The following MSRB3 variants were observed in gnomAD, a reference collection of about 807,000 sequenced individuals.
MSRB3 encodes the protein methionine sulfoxide reductase B3.
MSRB3 carries 13 observed loss-of-function variants against 21.0 expected under a neutral mutation model. The observed-to-expected ratio is 0.62, with a 90% CI of 0.40 to 0.98. The LOEUF (loss-of-function observed/expected upper bound fraction) is 0.98, where lower values mean the gene tolerates loss of function less well. Among genes scored for constraint, MSRB3 ranks in the 50% least tolerant of loss-of-function variants. The pLI is 0.00. For missense variants in MSRB3, 199 were observed against 230.3 expected (o/e 0.86, Z 0.88); for synonymous variants, 87 against 88.6 (o/e 0.98, Z 0.10).
intron 5 of MSRB3, among the ~76,000 whole-genome samples, chr12:65,437,160 C>T (rs1882157193): frequency 6.6e-6 from 1 of 151,692 alleles, no homozygotes; most frequent in African/African-American, 2.4e-5. Flanking sequence ...AAGTTTTTGC[C>T]CCGTGGACTA....
chr12:65,375,864 T>C (rs1455129599), intron 5 of MSRB3, among the ~76,000 whole-genome samples: 1 of 152,070 alleles, frequency 6.6e-6, no homozygotes, highest in African/African-American at 2.4e-5. Flanking sequence ...TCAGTTTTAT[T>C]GTTTGGTAGT....
chr12:65,293,500 C>T (rs1872774792), intron 1 of MSRB3, among the ~76,000 whole-genome samples: 2 of 152,154 alleles, frequency 1.3e-5, no homozygotes, highest in South Asian at 4.1e-4. Context: ...ACACTCTTAC[C>T]TCAGGGCTAC....
At chr12:65,388,139 T>A (rs1200311329) in intron 5 of MSRB3, among the ~76,000 whole-genome samples, 3 of 151,678 alleles carry the variant, frequency 2.0e-5, no homozygotes, top group East Asian at 3.9e-4. Context: ...TTAACAAGTT[T>A]AAAAAAAAAT....
intron 5 of MSRB3, among the ~76,000 whole-genome samples, chr12:65,377,800 G>T (rs1247531818): frequency 3.9e-5 from 6 of 152,192 alleles, no homozygotes; most frequent in Admixed American, 3.9e-4. Context: ...CATCTATGTG[G>T]AGACATGTAA....
chr12:65,398,925 G>A (rs1022621579), intron 5 of MSRB3, among the ~76,000 whole-genome samples: 6 of 151,946 alleles, frequency 3.9e-5, no homozygotes, highest in African/African-American at 1.4e-4. Context: ...GTAGGTGTGT[G>A]GCGTTATTTC....
At chr12:65,407,338 GT>G (rs111292244) in intron 5 of MSRB3, among the ~76,000 whole-genome samples, 31,241 of 143,814 alleles carry the variant, frequency 0.22, 3,311 homozygotes, top group Admixed American at 0.27. Flanking sequence ...GTCCTGGTAT[GT>G]TTTTTTTTTT....
intron 4 of MSRB3, among the ~76,000 whole-genome samples, chr12:65,357,631 G>T (rs1312673818): frequency 6.6e-6 from 1 of 151,672 alleles, no homozygotes; most frequent in Admixed American, 6.6e-5. Context: ...TAGTCCTTCT[G>T]TCTCCTTAGT....
chr12:65,328,568 A>G lies in MSRB3; in HGVS notation c.228A>G (p.Ile76Met). The change falls in exon 4 of 7, where the codon ATA becomes ATG. Residue 76 changes from isoleucine to methionine, a missense_variant. Physicochemically the swap from Ile to Met is conservative, Grantham distance 10. Coordinates refer to ENST00000308259, the MANE Select transcript of MSRB3 (RefSeq NM_001031679.3). ...GEYTHHKDPG[I>M]YKCVVCGTPL... Reference sequence around the variant, plus strand: ...ACACACATCACAAAGATCCTGGAATATATAAATGTGTTGTTTGTGGAACTC... The same window carrying G: ...ACACACATCACAAAGATCCTGGAATGTATAAATGTGTTGTTTGTGGAACTC... 6.2e-7 allele frequency: 1 copy of G among 1,612,778 alleles called. No individual in the cohort carries two copies. Among genetic ancestry groups the G allele is most frequent in the Non-Finnish European group, 8.5e-7 (1 of 1,178,980 alleles).
At chr12:65,440,498 C>T (rs1434421444) in intron 5 of MSRB3, among the ~76,000 whole-genome samples, 1 of 151,732 alleles carries the variant, frequency 6.6e-6, no homozygotes, top group African/African-American at 2.4e-5. Context: ...ACAGCCATTA[C>T]AAATAACAAT....
In MSRB3 at chr12:65,395,464, T is replaced by TA. The variant is rs775443368; in HGVS notation, c.292+26451dup. ...CTGGGTGACAGAGTGAGACTCCATC[T>TA]AAAAAAAAAAAAATCCTAAGGAATC... is the stretch of plus-strand genomic sequence containing the variant. On this transcript the variant is annotated intron_variant, in intron 5 of 6. Coordinates refer to ENST00000308259, the MANE Select transcript of MSRB3 (RefSeq NM_001031679.3). 6.0e-3 allele frequency among the ~76,000 whole-genome samples: 851 copies of TA among 141,388 alleles called. 3 individuals are homozygous for TA. Among genetic ancestry groups the TA allele is most frequent in the Non-Finnish European group, 9.2e-3 (595 of 64,476 alleles). 92.8% of individuals were successfully genotyped at this position (141,388 alleles called of 152,430 possible).
At position 65,368,537 on chromosome 12, in the gene MSRB3, T is replaced by C. The variant is rs531036472; in HGVS notation, c.264-461T>C. On this transcript the variant is annotated intron_variant, in intron 4 of 6. Transcript: ENST00000308259. ...TCCCACAAGAGCTCAGAATTTTTTC[T>C]CCTTCTTATTAAATGTATGGGGTTA... Among the ~76,000 whole-genome samples, 6 of 152,314 alleles carry C rather than the reference T, an allele frequency of 3.9e-5. No homozygotes were observed. In the South Asian group the frequency reaches 1.2e-3, roughly 32 times the overall value.
At chr12:65,315,581 T>C (rs1447936948) in intron 2 of MSRB3, among the ~76,000 whole-genome samples, 1 of 147,618 alleles carries the variant, frequency 6.8e-6, no homozygotes, top group Non-Finnish European at 1.5e-5. Context: ...AGCAGGAGAA[T>C]CGCTTAAGCC....
intron 5 of MSRB3, among the ~76,000 whole-genome samples, chr12:65,399,229 TATCCATGAGC>T: frequency 6.6e-6 from 1 of 152,236 alleles, no homozygotes; most frequent in Non-Finnish European, 1.5e-5. Context: ...TGATTCTTCC[TATCCATGAGC>T]ATGGAATGTT....
At chr12:65,420,117 T>C in intron 5 of MSRB3, 1 of 418,500 alleles carries the variant, frequency 2.4e-6, no homozygotes, top group South Asian at 2.0e-5. Flanking sequence ...ATTTTATTCT[T>C]CTGAATGTGG....
intron 5 of MSRB3, among the ~76,000 whole-genome samples, chr12:65,383,348 T>C (rs1249013152): frequency 6.6e-6 from 1 of 152,158 alleles, no homozygotes; most frequent in Non-Finnish European, 1.5e-5. Flanking sequence ...TAGGGTAGTC[T>C]TTCATGATTG....
rs137929264 is a variant in MSRB3, at chr12:65,463,263, A to G, written c.499A>G (p.Thr167Ala). 1.2e-6 allele frequency: 2 copies of G among 1,614,222 alleles called. No homozygotes were observed. The highest frequency in any genetic ancestry group is 1.7e-6 in the Non-Finnish European group (2 of 1,180,048). Residue 167 changes from threonine (T) to alanine (A), a missense_variant, in exon 7 of 7, where the codon ACC becomes GCC. By Grantham distance (58) the Thr-to-Ala change is moderately conservative. Coordinates refer to ENST00000308259, the MANE Select transcript of MSRB3 (RefSeq NM_001031679.3). ...LSFTPADSSG[T>A]AEGGSGVASP... is the part of the protein sequence containing the mutation. ...TTTTACACCTGCGGATAGCAGTGGC[A>G]CCGCCGAGGGAGGCAGTGGGGTCGC...
At chr12:65,411,148 A>C (rs528170858) in intron 5 of MSRB3, among the ~76,000 whole-genome samples, 83 of 152,346 alleles carry the variant, frequency 5.4e-4, no homozygotes, top group African/African-American at 1.9e-3. Context: ...ACTTTAACTA[A>C]GTTTCTTTTC....
chr12:65,362,496 T>G (rs1020795360), intron 4 of MSRB3, among the ~76,000 whole-genome samples: 2 of 152,164 alleles, frequency 1.3e-5, no homozygotes, highest in African/African-American at 2.4e-5. Flanking sequence ...TTTTTAGCAC[T>G]CTTCAAAATG....
chr12:65,374,094 A>G (rs922907051), intron 5 of MSRB3, among the ~76,000 whole-genome samples: 3 of 152,218 alleles, frequency 2.0e-5, no homozygotes, highest in Non-Finnish European at 4.4e-5. Context: ...AAGAACTATT[A>G]ATAAGGAAAA....
Sources: gnomAD v4.1 joint callset for allele counts (sites outside exome capture counted in the v4.1 genomes callset) on GRCh38, gnomAD v4.1.1 for gene constraint, MANE v1.5 for transcripts, NCBI Gene and HGNC (gene_info 2026-07-23, HGNC 2026-07-21) for gene names.